PPP1R12B: variants seen among roughly 807,000 people sequenced by gnomAD.
The protein encoded by PPP1R12B is protein phosphatase 1 regulatory subunit 12B, also known as myosin phosphatase target subunit 2.
Under a neutral mutation model 126.1 loss-of-function variants are expected in PPP1R12B, and 76 were observed. The ratio of observed to expected loss-of-function variants is 0.60; its 90% CI spans 0.50 to 0.73. The LOEUF is 0.73. Among genes scored for constraint, PPP1R12B ranks in the 30% least tolerant of loss-of-function variants. The pLI is 0.00. For missense variants in PPP1R12B, 1,052 were observed against 1,205.1 expected (o/e 0.87, Z 1.88); for synonymous variants, 356 against 434.7 (o/e 0.82, Z 2.25).
intron 1 of PPP1R12B, among the ~76,000 whole-genome samples, chr1:202,389,850 C>G (rs1238961582): frequency 1.3e-5 from 2 of 151,080 alleles, no homozygotes; most frequent in African/African-American, 4.9e-5. Flanking sequence ...TTGCTTGAGC[C>G]TGGGAGGCGG....
intron 13 of PPP1R12B, among the ~76,000 whole-genome samples, chr1:202,465,293 A>G (rs1275333171): frequency 2.0e-5 from 3 of 152,296 alleles, no homozygotes; most frequent in Non-Finnish European, 4.4e-5. Flanking sequence ...CCAAGGGGTC[A>G]GTCTTCACTG....
At chr1:202,410,864 G>A (rs367825824) in intron 1 of PPP1R12B, among the ~76,000 whole-genome samples, 2 of 152,174 alleles carry the variant, frequency 1.3e-5, no homozygotes, top group African/African-American at 2.4e-5. Context: ...AAAATTCGAT[G>A]TGTCTTCAGG....
At chr1:202,433,283 G>A (rs1159663317) in intron 8 of PPP1R12B, among the ~76,000 whole-genome samples, 1 of 152,166 alleles carries the variant, frequency 6.6e-6, no homozygotes, top group Non-Finnish European at 1.5e-5. Flanking sequence ...AGTTGCCAAG[G>A]TATGAGAAAA....
intron 13 of PPP1R12B, among the ~76,000 whole-genome samples, chr1:202,449,938 G>A (rs1279545102): frequency 5.9e-5 from 9 of 152,022 alleles, no homozygotes; most frequent in Non-Finnish European, 8.8e-5. Context: ...CGCCCGCCTC[G>A]GCCTCCCAAA....
intron 18 of PPP1R12B, among the ~76,000 whole-genome samples, chr1:202,554,997 T>G (rs1162350095): frequency 6.6e-6 from 1 of 152,070 alleles, no homozygotes; most frequent in Non-Finnish European, 1.5e-5. Flanking sequence ...TCGAAAACCC[T>G]ATGGAATCTG....
intron 1 of PPP1R12B, among the ~76,000 whole-genome samples, chr1:202,351,888 T>C (rs1656080618): frequency 6.6e-6 from 1 of 152,202 alleles, no homozygotes; most frequent in Non-Finnish European, 1.5e-5. Context: ...TGATGCTTCT[T>C]TTGGACTTAG....
intron 2 of PPP1R12B, chr1:202,417,279 A>G (rs1411799447): frequency 9.1e-6 from 9 of 985,114 alleles, no homozygotes; most frequent in Non-Finnish European, 1.1e-5. Flanking sequence ...AACCTATTTC[A>G]CTGTTTTTTT....
At chr1:202,517,706 A>G (rs776622164) in intron 18 of PPP1R12B, among the ~76,000 whole-genome samples, 2 of 151,646 alleles carry the variant, frequency 1.3e-5, no homozygotes, top group Non-Finnish European at 2.9e-5. Context: ...GCTCACTGCA[A>G]CCTCCGCCTC....
intron 1 of PPP1R12B, among the ~76,000 whole-genome samples, chr1:202,354,834 T>G (rs1459367866): frequency 6.7e-6 from 1 of 148,832 alleles, no homozygotes; most frequent in Non-Finnish European, 1.5e-5. Flanking sequence ...TTGTTGTTGT[T>G]TTTTTTTTTG....
chr1:202,401,322 T>C (rs1470830654), intron 1 of PPP1R12B, among the ~76,000 whole-genome samples: 1 of 150,368 alleles, frequency 6.7e-6, no homozygotes, highest in African/African-American at 2.4e-5. Flanking sequence ...CCCGAGTAGC[T>C]AGGACTACAG....
At chr1:202,534,835 A>G (rs940744723) in intron 18 of PPP1R12B, among the ~76,000 whole-genome samples, 6 of 152,202 alleles carry the variant, frequency 3.9e-5, no homozygotes, top group Admixed American at 6.5e-5. Flanking sequence ...AGGAGATTCT[A>G]TCATCTTTTT....
At chr1:202,405,121 G>A (rs1666414916) in intron 1 of PPP1R12B, among the ~76,000 whole-genome samples, 1 of 152,042 alleles carries the variant, frequency 6.6e-6, no homozygotes, top group South Asian at 2.1e-4. Context: ...CTTTGGTAAT[G>A]TGAGTCAGTG....
intron 5 of PPP1R12B, chr1:202,428,644 C>T (rs894285059): frequency 1.9e-5 from 10 of 517,110 alleles, no homozygotes; most frequent in Non-Finnish European, 3.4e-5. Context: ...TACTGTTGTA[C>T]AAACTCTATA....
In PPP1R12B at chr1:202,422,440, G is replaced by A. The variant is rs1225970405; in HGVS notation, c.423-180G>A. The stretch of plus-strand genomic sequence containing the variant: ...GGCATTGCTCTAGTCAGGAAATGGG[G>A]AAGCCTTCAGTCTTAATTATTGAAG... On this transcript the variant is annotated intron_variant, in intron 2 of 23. Coordinates refer to ENST00000608999, the MANE Select transcript of PPP1R12B (RefSeq NM_002481.4). 2.6e-5 allele frequency among the ~76,000 whole-genome samples: 4 copies of A among 152,200 alleles called. No homozygotes were observed. The East Asian group carries it at 7.7e-4, about 29-fold the overall frequency.
chr1:202,362,653 G>GTT lies in PPP1R12B; in HGVS notation c.291+13515_291+13516dup, dbSNP rs143292643. Among the ~76,000 whole-genome samples, 400 of 144,758 alleles carry GTT rather than the reference G, an allele frequency of 2.8e-3. 9 individuals are homozygous for GTT. Among genetic ancestry groups the GTT allele is most frequent in the Middle Eastern group, 0.014 (4 of 282 alleles). 95.0% of individuals were successfully genotyped at this position (144,758 alleles called of 152,430 possible). On this transcript the variant is annotated intron_variant, in intron 1 of 23. Transcript: ENST00000608999. ...CATGACAGAATCAGCAAGGCCCAGGGTTTTTGTTTTTTTTTTTTGTAATAA... is the reference window on the plus strand; with the variant it reads ...CATGACAGAATCAGCAAGGCCCAGGGTTTTTTTGTTTTTTTTTTTTGTAATAA...
intron 1 of PPP1R12B, among the ~76,000 whole-genome samples, chr1:202,360,431 G>A (rs950188239): frequency 9.2e-5 from 14 of 151,996 alleles, no homozygotes; most frequent in Admixed American, 1.3e-4. Flanking sequence ...TAAATTGGCC[G>A]GGTGCAGTGG....
At chr1:202,515,591 A>T (rs1314272986) in intron 18 of PPP1R12B, among the ~76,000 whole-genome samples, 3 of 151,900 alleles carry the variant, frequency 2.0e-5, no homozygotes, top group Non-Finnish European at 4.4e-5. Flanking sequence ...TGCACACAGG[A>T]TCTTGCTCTG....
Position 202,440,703 on chromosome 1 carries a change from C to T in PPP1R12B, c.1459-3C>T, listed in dbSNP as rs1293481745. The T allele has an allele frequency of 2.5e-6, 4 of 1,608,092 alleles. No homozygotes were observed. The highest frequency in any genetic ancestry group is 3.4e-6 in the Non-Finnish European group (4 of 1,174,980). On this transcript the variant is annotated splice_region_variant and splice_polypyrimidine_tract_variant and intron_variant, in intron 10 of 23. Coordinates refer to ENST00000608999, the MANE Select transcript of PPP1R12B (RefSeq NM_002481.4). ...TTGTGCTTTACTTGTTTTTATTTTA[C>T]AGGAGAGAGAAAACAAAAGCTATAT... is the stretch of plus-strand genomic sequence containing the variant.
intron 18 of PPP1R12B, among the ~76,000 whole-genome samples, chr1:202,554,778 A>G (rs1467852409): frequency 3.3e-5 from 5 of 151,900 alleles, no homozygotes; most frequent in Admixed American, 6.6e-5. Context: ...TTAAAAGCTA[A>G]TAAACAACAG....
Sources: gnomAD v4.1 joint callset for allele counts (sites outside exome capture counted in the v4.1 genomes callset) on GRCh38, gnomAD v4.1.1 for gene constraint, MANE v1.5 for transcripts, NCBI Gene and HGNC (gene_info 2026-07-23, HGNC 2026-07-21) for gene names.